Variants in UNC5C observed in about 807,000 individuals in gnomAD.
UNC5C encodes the protein unc-5 netrin receptor C.
UNC5C carries 47 observed loss-of-function variants against 99.8 expected under a neutral mutation model. The observed-to-expected ratio is 0.47, with a 90% CI of 0.37 to 0.60. UNC5C has a LOEUF of 0.60. Among genes scored for constraint, UNC5C ranks in the 20% least tolerant of loss-of-function variants. The pLI, the probability that UNC5C is intolerant of heterozygous loss-of-function variation, is 0.00. For missense variants in UNC5C, 1,062 were observed against 1,165.9 expected, an observed-to-expected ratio of 0.91 and a Z score of 1.30; for synonymous variants, 487 against 452.2, an observed-to-expected ratio of 1.08 and a Z score of -0.98.
chr4:95,540,739 T>C (rs1055964361), intron 1 of UNC5C, among the ~76,000 whole-genome samples: 1 of 152,222 alleles, frequency 6.6e-6, no homozygotes, highest in Non-Finnish European at 1.5e-5. Flanking sequence ...AATTCAAATG[T>C]CAATGTATTT....
intron 1 of UNC5C, among the ~76,000 whole-genome samples, chr4:95,525,026 C>A (rs922110441): frequency 3.3e-5 from 5 of 152,056 alleles, no homozygotes; most frequent in Admixed American, 2.0e-4. Flanking sequence ...AATGGGTCAC[C>A]GAAGCCTGGT....
rs746318727 is a variant in UNC5C at position 95,242,514 on chromosome 4, C to T, written c.1023G>A (p.Thr341=). ...TGCCTCCATTCTTGGGGGCTGGCGC[C>T]GTGCACTCCCTCCTGCGCCAGTGGG... ...ECTHWRRREC[T]APAPKNGGKD... is the part of the protein sequence containing the mutation. Residue 341 remains threonine, a synonymous_variant, in exon 7 of 16, where the codon ACG becomes ACA. Transcript: ENST00000453304. 35 of 1,613,282 alleles carry T rather than the reference C, an allele frequency of 2.2e-5. No individual in the cohort carries two copies. The highest frequency in any genetic ancestry group is 5.3e-5 in the African/African-American group (4 of 74,890).
At chr4:95,526,151 A>C (rs2149491594) in intron 1 of UNC5C, among the ~76,000 whole-genome samples, 1 of 152,264 alleles carries the variant, frequency 6.6e-6, no homozygotes, top group African/African-American at 2.4e-5. Context: ...AGCATGATCT[A>C]ACTTTTCCCC....
At chr4:95,365,070 G>A (rs543668461) in intron 1 of UNC5C, among the ~76,000 whole-genome samples, 4 of 151,328 alleles carry the variant, frequency 2.6e-5, no homozygotes, top group East Asian at 1.9e-4. Context: ...CGAGAAAGGC[G>A]GATCACCTGA....
At chr4:95,409,349 C>T (rs1441858180) in intron 1 of UNC5C, among the ~76,000 whole-genome samples, 2 of 152,182 alleles carry the variant, frequency 1.3e-5, no homozygotes, top group Non-Finnish European at 2.9e-5. Flanking sequence ...CACTCCCAAC[C>T]TGCAGACATC....
chr4:95,290,680 C>G (rs954948236), intron 3 of UNC5C, among the ~76,000 whole-genome samples: 1 of 152,112 alleles, frequency 6.6e-6, no homozygotes, highest in Non-Finnish European at 1.5e-5. Context: ...GTTAGGCATA[C>G]AGTAAGCATA....
At chr4:95,225,072 C>G (rs554709732) in intron 7 of UNC5C, among the ~76,000 whole-genome samples, 9 of 151,952 alleles carry the variant, frequency 5.9e-5, no homozygotes, top group Admixed American at 1.3e-4. Context: ...CCTGGTGGGC[C>G]AGGATGAGGA....
intron 1 of UNC5C, among the ~76,000 whole-genome samples, chr4:95,348,386 A>G (rs533642318): frequency 2.0e-5 from 3 of 151,892 alleles, no homozygotes; most frequent in South Asian, 4.2e-4. Flanking sequence ...TAGAACTACC[A>G]TGCAATCAAG....
chr4:95,464,037 C>A (rs1329745069), intron 1 of UNC5C, among the ~76,000 whole-genome samples: 1 of 152,160 alleles, frequency 6.6e-6, no homozygotes, highest in Non-Finnish European at 1.5e-5. Context: ...GGTATAAATA[C>A]TTTTGCGTAA....
intron 4 of UNC5C, 63 bp from the exon 5 acceptor site, chr4:95,250,730 T>C: frequency 2.6e-6 from 4 of 1,514,852 alleles, no homozygotes; most frequent in Non-Finnish European, 3.6e-6. Flanking sequence ...CTGTCTGTCC[T>C]AACCTGCATT....
intron 2 of UNC5C, among the ~76,000 whole-genome samples, chr4:95,318,647 CCAGGGTG>C (rs745763802): frequency 5.9e-5 from 9 of 152,148 alleles, no homozygotes; most frequent in Non-Finnish European, 1.3e-4. Flanking sequence ...CCAGGGTCAT[CCAGGGTG>C]TAGCTATAAA....
chr4:95,197,760 C>T (rs1737489097), intron 12 of UNC5C, among the ~76,000 whole-genome samples: 1 of 152,050 alleles, frequency 6.6e-6, no homozygotes, highest in Non-Finnish European at 1.5e-5. Context: ...ATAATAGACC[C>T]AATCAGAAAT....
chr4:95,203,588 G>A (rs1274381332), intron 11 of UNC5C, among the ~76,000 whole-genome samples: 2 of 152,010 alleles, frequency 1.3e-5, no homozygotes, highest in Admixed American at 6.6e-5. Flanking sequence ...CCCAACCTCA[G>A]CCTCCCAAGT....
At chr4:95,525,220 T>C (rs1014782803) in intron 1 of UNC5C, among the ~76,000 whole-genome samples, 1 of 152,134 alleles carries the variant, frequency 6.6e-6, no homozygotes, top group Non-Finnish European at 1.5e-5. Flanking sequence ...ACTGAGTAAA[T>C]AGAACTAATT....
Position 95,163,372 on chromosome 4 carries a change from C to T in UNC5C, c.*5862G>A, listed in dbSNP as rs1177577241. On this transcript the variant is annotated 3_prime_UTR_variant, in exon 16 of 16. Transcript: ENST00000453304. ...GTTTTAACATTGAGAACCTATGTAG[C>T]TCAGGTCCCCATTCTCTGATGCTGC... is the stretch of plus-strand genomic sequence containing the variant. The T allele has an allele frequency of 1.3e-5, 2 of 152,238 alleles. No individual in the cohort carries two copies. The highest frequency in any genetic ancestry group is 2.9e-5 in the Non-Finnish European group (2 of 68,064). 9.4% of individuals were successfully genotyped at this position (152,238 alleles called of 1,614,324 possible).
chr4:95,372,820 C>T (rs557027026), intron 1 of UNC5C, among the ~76,000 whole-genome samples: 47 of 152,220 alleles, frequency 3.1e-4, no homozygotes, highest in Non-Finnish European at 5.4e-4. Context: ...TTCTATAGTG[C>T]TCAGAGGATG....
chr4:95,412,453 C>T (rs189144932), intron 1 of UNC5C, among the ~76,000 whole-genome samples: 198 of 152,180 alleles, frequency 1.3e-3, no homozygotes, highest in African/African-American at 4.5e-3. Flanking sequence ...ACTGGAAGCT[C>T]CTTGAAGGAA....
intron 4 of UNC5C, among the ~76,000 whole-genome samples, chr4:95,265,298 CATA>C (rs1740401969): frequency 6.6e-6 from 1 of 151,986 alleles, no homozygotes; most frequent in Non-Finnish European, 1.5e-5. Context: ...ACAAAAAAAA[CATA>C]ATAAGTGCTG....
chr4:95,258,480 C>G (rs2149385400), intron 4 of UNC5C, among the ~76,000 whole-genome samples: 2 of 152,218 alleles, frequency 1.3e-5, no homozygotes, highest in South Asian at 4.1e-4. Context: ...CAATAAAAGA[C>G]TTCAACCATA....
Sources: allele counts gnomAD v4.1 joint callset (sites outside exome capture counted in the v4.1 genomes callset), GRCh38; gene constraint gnomAD v4.1.1; transcripts MANE v1.5; gene names NCBI Gene and HGNC (gene_info 2026-07-23, HGNC 2026-07-21).